The following NAALADL2 variants were observed in gnomAD, a reference collection of about 807,000 sequenced individuals.
NAALADL2 encodes inactive N-acetylated-alpha-linked acidic dipeptidase-like protein 2.
NAALADL2 carries 76 observed loss-of-function variants against 87.2 expected under a neutral mutation model. That is an observed-to-expected ratio of 0.87 (90% CI 0.72 to 1.05). The LOEUF (loss-of-function observed/expected upper bound fraction) is 1.05, where lower values mean the gene tolerates loss of function less well. Among genes scored for constraint, NAALADL2 ranks in the 50% least tolerant of loss-of-function variants. The probability of loss-of-function intolerance (pLI) is 0.00; values close to 1 mark genes in which losing one functional copy is unlikely to be tolerated. For synonymous variants in NAALADL2, 354 were observed against 331.0 expected (o/e 1.07, Z -0.75); for missense variants, 1,089 against 945.8 (o/e 1.15, Z -1.99).
chr3:175,063,308 T>C (rs1713902638), intron 1 of NAALADL2, among the ~76,000 whole-genome samples: 1 of 152,102 alleles, frequency 6.6e-6, no homozygotes, highest in South Asian at 2.1e-4. Flanking sequence ...ATTTGATAAA[T>C]ATGTATGTAG....
At chr3:175,263,038 A>G (rs1449332178) in intron 4 of NAALADL2, among the ~76,000 whole-genome samples, 2 of 150,472 alleles carry the variant, frequency 1.3e-5, no homozygotes, top group South Asian at 2.1e-4. Flanking sequence ...TCCATCTTTT[A>G]TGATTCTAAG....
intron 2 of NAALADL2, among the ~76,000 whole-genome samples, chr3:174,664,353 T>C (rs756091193): frequency 6.6e-6 from 1 of 152,148 alleles, no homozygotes; most frequent in Non-Finnish European, 1.5e-5. Flanking sequence ...GATAGACAGA[T>C]TGGGGCTAAA....
chr3:175,155,863 G>A (rs894030332), intron 2 of NAALADL2, among the ~76,000 whole-genome samples: 4 of 152,058 alleles, frequency 2.6e-5, no homozygotes, highest in Non-Finnish European at 4.4e-5. Context: ...AACTCCCCAC[G>A]TAACGGTAAT....
intron 10 of NAALADL2, among the ~76,000 whole-genome samples, chr3:175,603,995 AAAC>A (rs938932347): frequency 1.4e-4 from 21 of 152,190 alleles, no homozygotes; most frequent in East Asian, 1.4e-3. Context: ...CCTGAAAGAA[AAAC>A]AACAACAACA....
At chr3:175,064,707 G>A (rs1234187238) in intron 1 of NAALADL2, among the ~76,000 whole-genome samples, 1 of 152,168 alleles carries the variant, frequency 6.6e-6, no homozygotes. Context: ...GAGTGGAAGT[G>A]ATCTTACTCA....
chr3:175,055,724 C>T (rs368716123), intron 1 of NAALADL2, among the ~76,000 whole-genome samples: 16 of 152,246 alleles, frequency 1.1e-4, no homozygotes, highest in Admixed American at 2.6e-4. Context: ...TTCCCCTATC[C>T]GGTGGCCTGA....
chr3:175,349,301 A>T (rs1763486354), intron 5 of NAALADL2, among the ~76,000 whole-genome samples: 1 of 152,194 alleles, frequency 6.6e-6, no homozygotes, highest in Non-Finnish European at 1.5e-5. Flanking sequence ...GTTAAGCAAC[A>T]ACTATGTGGA....
At chr3:175,211,230 A>G (rs768065516) in intron 2 of NAALADL2, among the ~76,000 whole-genome samples, 4 of 151,912 alleles carry the variant, frequency 2.6e-5, no homozygotes, top group African/African-American at 4.8e-5. Context: ...AAAACACCAA[A>G]TAAATATAGA....
intron 1 of NAALADL2, among the ~76,000 whole-genome samples, chr3:174,924,135 G>A (rs886740072): frequency 3.3e-5 from 5 of 151,788 alleles, no homozygotes; most frequent in East Asian, 3.9e-4. Flanking sequence ...ATATGTATAC[G>A]TGTACCATGT....
Position 175,471,765 on chromosome 3 carries a change from C to T in NAALADL2, c.1653+7C>T. 1 of 1,596,960 alleles carries T rather than the reference C, an allele frequency of 6.3e-7. No individual in the cohort carries two copies. The highest frequency in any genetic ancestry group is 8.5e-7 in the Non-Finnish European group (1 of 1,173,560). Reference sequence around the variant, plus strand: ...TCAGCAACTGGTAGTAGAGGTAAGACAAACCACTATTGTATCAAATGATTA... The same window carrying T: ...TCAGCAACTGGTAGTAGAGGTAAGATAAACCACTATTGTATCAAATGATTA... On this transcript the variant is annotated splice_region_variant and intron_variant, in intron 9 of 13. Transcript: ENST00000454872.
chr3:174,915,704 T>G (rs2108323207), intron 1 of NAALADL2, among the ~76,000 whole-genome samples: 1 of 152,314 alleles, frequency 6.6e-6, no homozygotes, highest in Non-Finnish European at 1.5e-5. Flanking sequence ...AAGCGTAAGC[T>G]AATTTTCACC....
chr3:175,078,539 G>A (rs993377520), intron 1 of NAALADL2, among the ~76,000 whole-genome samples: 1 of 151,956 alleles, frequency 6.6e-6, no homozygotes, highest in Admixed American at 6.6e-5. Flanking sequence ...ACATTTCATC[G>A]TACCAAAAAT....
At chr3:175,701,587 G>A (rs978178462) in intron 11 of NAALADL2, among the ~76,000 whole-genome samples, 1 of 152,042 alleles carries the variant, frequency 6.6e-6, no homozygotes, top group African/African-American at 2.4e-5. Flanking sequence ...CACGCCAGTA[G>A]GCTAGTTGGC....
chr3:175,317,291 C>A (rs551444974), intron 4 of NAALADL2, among the ~76,000 whole-genome samples: 1 of 151,886 alleles, frequency 6.6e-6, no homozygotes, highest in Non-Finnish European at 1.5e-5. Context: ...TTGTACTTAC[C>A]TTTACAGAAG....
At chr3:174,562,490 G>T (rs1344308813) in intron 2 of NAALADL2, among the ~76,000 whole-genome samples, 1 of 151,996 alleles carries the variant, frequency 6.6e-6, no homozygotes, top group Non-Finnish European at 1.5e-5. Context: ...ATGACAAAGT[G>T]GTAGAGTAAG....
chr3:174,486,521 G>A (rs1717870356), intron 1 of NAALADL2, among the ~76,000 whole-genome samples: 1 of 151,998 alleles, frequency 6.6e-6, no homozygotes, highest in African/African-American at 2.4e-5. Flanking sequence ...TTCTGCGTGT[G>A]AATTTCCACT....
chr3:174,993,302 A>G (rs531235663), intron 1 of NAALADL2, among the ~76,000 whole-genome samples: 15 of 152,206 alleles, frequency 9.9e-5, no homozygotes, highest in African/African-American at 2.9e-4. Context: ...ACATAGAAAG[A>G]TAACATTCAT....
At chr3:175,624,851 C>T (rs1015393556) in intron 10 of NAALADL2, among the ~76,000 whole-genome samples, 3 of 151,856 alleles carry the variant, frequency 2.0e-5, no homozygotes, top group African/African-American at 7.2e-5. Context: ...TTAATTACCC[C>T]CACCTCAAAA....
At chr3:175,521,631 G>T (rs934673794) in intron 9 of NAALADL2, among the ~76,000 whole-genome samples, 1 of 152,130 alleles carries the variant, frequency 6.6e-6, no homozygotes, top group Non-Finnish European at 1.5e-5. Flanking sequence ...AATAACTAAT[G>T]TCCTGGTAGT....
Sources: allele counts gnomAD v4.1 joint callset (sites outside exome capture counted in the v4.1 genomes callset), GRCh38; gene constraint gnomAD v4.1.1; transcripts MANE v1.5; gene names NCBI Gene and HGNC (gene_info 2026-07-23, HGNC 2026-07-21).